The following RUNX3 variants were observed in gnomAD, a reference collection of about 807,000 sequenced individuals.
RUNX3 encodes the protein runt-related transcription factor 3.
In RUNX3, 10 loss-of-function variants were observed where a neutral mutation model predicts 27.7. The observed-to-expected ratio is 0.36, with a 90% CI of 0.22 to 0.61. The LOEUF (loss-of-function observed/expected upper bound fraction) is 0.61, where lower values mean the gene tolerates loss of function less well. Among genes scored for constraint, RUNX3 ranks in the 20% least tolerant of loss-of-function variants. The probability of loss-of-function intolerance (pLI) is 0.72; values close to 1 mark genes in which losing one functional copy is unlikely to be tolerated. For missense variants in RUNX3, 469 were observed against 629.5 expected, an observed-to-expected ratio of 0.75 and a Z score of 2.73; for synonymous variants, 270 against 269.2, an observed-to-expected ratio of 1.00 and a Z score of -0.03.
intron 4 of RUNX3, among the ~76,000 whole-genome samples, chr1:24,903,088 C>T (rs576620147): frequency 3.3e-5 from 5 of 152,314 alleles, no homozygotes; most frequent in Middle Eastern, 3.4e-3. Context: ...CTGGGAAGGC[C>T]GTGGATGTGT....
intron 2 of RUNX3, chr1:24,964,479 C>T (rs1455839819): frequency 1.9e-6 from 3 of 1,565,834 alleles, no homozygotes; most frequent in Admixed American, 3.5e-5. Flanking sequence ...CTGGCCACAG[C>T]TCCCCACCCA....
chr1:24,910,783 T>C (rs1640781639), intron 3 of RUNX3, among the ~76,000 whole-genome samples: 1 of 152,138 alleles, frequency 6.6e-6, no homozygotes, highest in Admixed American at 6.5e-5. Context: ...ATAAGACCAT[T>C]TGGTCTCTGG....
chr1:24,914,050 T>G (rs1050637641), intron 3 of RUNX3, among the ~76,000 whole-genome samples: 10 of 152,228 alleles, frequency 6.6e-5, no homozygotes, highest in Non-Finnish European at 1.0e-4. Context: ...ACACGGTGTG[T>G]GGCACCCCTG....
At chr1:24,907,619 T>C (rs1640692717) in intron 3 of RUNX3, among the ~76,000 whole-genome samples, 1 of 152,122 alleles carries the variant, frequency 6.6e-6, no homozygotes, top group African/African-American at 2.4e-5. Flanking sequence ...CCACCCCACA[T>C]ATCTAAACCT....
chr1:24,941,651 G>A (rs897178566), intron 2 of RUNX3, among the ~76,000 whole-genome samples: 1 of 152,140 alleles, frequency 6.6e-6, no homozygotes, highest in East Asian at 1.9e-4. Flanking sequence ...AAGACAGAAC[G>A]GTGGCTCCAG....
upstream of RUNX3, among the ~76,000 whole-genome samples, chr1:24,932,710 C>G (rs544594922): frequency 6.6e-6 from 1 of 152,300 alleles, no homozygotes; most frequent in South Asian, 2.1e-4. Flanking sequence ...CATCCCGGAC[C>G]GACAAAAATT....
intron 2 of RUNX3, among the ~76,000 whole-genome samples, chr1:24,952,661 A>G (rs1167951564): frequency 1.3e-5 from 2 of 152,190 alleles, no homozygotes; most frequent in African/African-American, 4.8e-5. Context: ...AGTCATGTGC[A>G]CCATCGCTAG....
At chr1:24,964,731 T>A in intron 1 of RUNX3, 1 of 1,465,936 alleles carries the variant, frequency 6.8e-7, no homozygotes, top group East Asian at 2.5e-5. Flanking sequence ...TTTGTCTCTT[T>A]TTTCCCCCCT....
At chr1:24,958,226 C>T (rs994917741) in intron 2 of RUNX3, among the ~76,000 whole-genome samples, 1 of 152,134 alleles carries the variant, frequency 6.6e-6, no homozygotes, top group African/African-American at 2.4e-5. Flanking sequence ...TGTTACTAGC[C>T]CATTTTACAG....
intron 2 of RUNX3, among the ~76,000 whole-genome samples, chr1:24,921,298 CG>C (rs968864461): frequency 4.6e-5 from 7 of 152,122 alleles, no homozygotes; most frequent in African/African-American, 1.7e-4. Flanking sequence ...CAGGAGAATC[CG>C]GAACAAAATT....
intron 3 of RUNX3, 135 bp downstream of exon 3, chr1:24,919,105 C>T (rs1640944244): frequency 1.2e-5 from 7 of 569,344 alleles, no homozygotes; most frequent in South Asian, 2.2e-5. Context: ...CCAGCAGGCA[C>T]GCAGTGTGTG....
chr1:24,948,559 G>A (rs190734131), intron 2 of RUNX3, among the ~76,000 whole-genome samples: 30 of 152,150 alleles, frequency 2.0e-4, no homozygotes, highest in Non-Finnish European at 3.5e-4. Flanking sequence ...CAGGACAGGG[G>A]TGCATGTGGG....
chr1:24,927,449 T>C lies in RUNX3; in HGVS notation c.439+125A>G. 1 of 863,312 alleles carries C rather than the reference T, an allele frequency of 1.2e-6. No individual in the cohort carries two copies. The highest frequency in any genetic ancestry group is 2.1e-5 in the Admixed American group (1 of 47,988). 53.5% of individuals were successfully genotyped at this position (863,312 alleles called of 1,614,324 possible). Reference sequence around the variant, plus strand: ...AATATCCTACAGGATTACAAATTGCTGTTTTTAGACAGAGCTGCATCTGGA... The same window carrying C: ...AATATCCTACAGGATTACAAATTGCCGTTTTTAGACAGAGCTGCATCTGGA... On this transcript the variant is annotated intron_variant, in intron 2 of 4. Transcript: ENST00000308873. The surrounding 1 kb of genome is among the most constrained non-coding windows in gnomAD (Gnocchi z 5.0).
intron 2 of RUNX3, among the ~76,000 whole-genome samples, chr1:24,954,351 C>T (rs1304769794): frequency 2.6e-5 from 4 of 152,190 alleles, no homozygotes; most frequent in African/African-American, 9.7e-5. Flanking sequence ...CTAAAATCTT[C>T]AAGCTATGCT....
intron 2 of RUNX3, 55 bp from the exon 3 acceptor site, chr1:24,919,399 C>A: frequency 4.4e-6 from 5 of 1,148,486 alleles, no homozygotes; most frequent in African/African-American, 1.5e-5. Context: ...TTCCACAATA[C>A]CCTGCTCTCC....
At chr1:24,911,047 C>T (rs1369240807) in intron 3 of RUNX3, among the ~76,000 whole-genome samples, 1 of 152,226 alleles carries the variant, frequency 6.6e-6, no homozygotes, top group African/African-American at 2.4e-5. Flanking sequence ...ACCGAGTCCT[C>T]AGCCCTAACA....
chr1:24,960,069 AG>A (rs1642065058), intron 2 of RUNX3, among the ~76,000 whole-genome samples: 1 of 152,180 alleles, frequency 6.6e-6, no homozygotes, highest in Non-Finnish European at 1.5e-5. Flanking sequence ...AGGCTGGGCT[AG>A]TACCCCTCTT....
intron 2 of RUNX3, among the ~76,000 whole-genome samples, chr1:24,959,442 C>T (rs1230767557): frequency 2.0e-5 from 3 of 152,300 alleles, no homozygotes; most frequent in Non-Finnish European, 2.9e-5. Flanking sequence ...GCAGACGTGG[C>T]GCCAGGCAAG....
rs569325885 is a variant in RUNX3 at position 24,920,264 on chromosome 1, A to C, written c.440-920T>G. Among the ~76,000 whole-genome samples, 25 of 150,952 alleles carry C rather than the reference A, an allele frequency of 1.7e-4. No homozygotes were observed. In the East Asian group the frequency reaches 4.9e-3, roughly 29 times the overall value. ...ATAAAATGAAAGTGACCTTCTGTTT[A>C]TAAAAATCTTTGTCTGCATCTCTGC... On this transcript the variant is annotated intron_variant, in intron 2 of 4. Transcript: ENST00000308873.
Sources: gnomAD v4.1 joint callset for allele counts (sites outside exome capture counted in the v4.1 genomes callset) on GRCh38, gnomAD v4.1.1 for gene constraint, Gnocchi (gnomAD v3.1) non-coding constraint, MANE v1.5 for transcripts, NCBI Gene and HGNC (gene_info 2026-07-23, HGNC 2026-07-21) for gene names.